Variants in UBXN11 observed in about 807,000 individuals in gnomAD.
UBXN11 encodes the protein UBX domain protein 11, also known as UBX domain-containing protein 11.
UBXN11 carries 47 observed loss-of-function variants against 62.8 expected under a neutral mutation model. The ratio of observed to expected loss-of-function variants is 0.75; its 90% CI spans 0.59 to 0.95. The LOEUF is 0.95. UBXN11 is among the 40% of genes least tolerant of loss of function. UBXN11 has a pLI of 0.00. For missense variants in UBXN11, 638 were observed against 661.7 expected, an observed-to-expected ratio of 0.96 and a Z score of 0.39; for synonymous variants, 294 against 267.0, an observed-to-expected ratio of 1.10 and a Z score of -0.99.
intron 8 of UBXN11, among the ~76,000 whole-genome samples, chr1:26,291,120 G>A (rs542833901): frequency 1.3e-5 from 2 of 152,228 alleles, no homozygotes; most frequent in South Asian, 2.1e-4. Context: ...CGGCACAGAC[G>A]GCCCTGGCTC....
At chr1:26,302,963 TC>T in intron 1 of UBXN11, 45 bp from the exon 2 acceptor site, 1 of 1,431,602 alleles carries the variant, frequency 7.0e-7, no homozygotes, top group Non-Finnish European at 9.7e-7. Context: ...GACTCAGGGC[TC>T]CAAGCCCAGG....
chr1:26,318,073 T>A (rs1287247080), exon 1 of UBXN11: 1 of 1,613,672 alleles, frequency 6.2e-7, no homozygotes, highest in East Asian at 2.2e-5. Flanking sequence ...ATGGTACAGG[T>A]AAGAGCAACG....
chr1:26,293,687 T>G (rs939260643), intron 8 of UBXN11, among the ~76,000 whole-genome samples: 2 of 125,022 alleles, frequency 1.6e-5, no homozygotes, highest in African/African-American at 6.2e-5. Flanking sequence ...ATCGTGCCAC[T>G]GCACTCCAGC....
exon 1 of UBXN11, chr1:26,318,229 C>T (rs1222522193): frequency 4.6e-6 from 3 of 647,170 alleles, no homozygotes; most frequent in South Asian, 3.6e-5. Context: ...CGGGCCTGGC[C>T]GCCCAGCCTT....
At chr1:26,284,083 G>T in intron 12 of UBXN11, 59 bp downstream of exon 12, 3 of 1,505,228 alleles carry the variant, frequency 2.0e-6, no homozygotes, top group South Asian at 2.6e-5. Flanking sequence ...TGGCAGGCTG[G>T]ACCAGGGCTG....
At chr1:26,309,147 G>A (rs1018702513), upstream of UBXN11, among the ~76,000 whole-genome samples, 1 of 151,716 alleles carries the variant, frequency 6.6e-6, no homozygotes, top group African/African-American at 2.4e-5. Context: ...GTTGGCCAGT[G>A]TGGTCTCCGT....
intron 8 of UBXN11, among the ~76,000 whole-genome samples, chr1:26,291,367 G>GC (rs1362661886): frequency 2.6e-5 from 4 of 152,200 alleles, no homozygotes; most frequent in Non-Finnish European, 5.9e-5. Flanking sequence ...CCGAATCAAG[G>GC]CCCCCCGCCC....
intron 8 of UBXN11, 81 bp downstream of exon 8, chr1:26,294,124 G>T: frequency 1.3e-6 from 2 of 1,568,732 alleles, no homozygotes; most frequent in Non-Finnish European, 8.6e-7. Context: ...AATGAGATAG[G>T]CCTCTGGGGA....
chr1:26,306,833 G>GGGGGGGGGGGGGTT, upstream of UBXN11: 1 of 32,154 alleles, frequency 3.1e-5, no homozygotes, highest in South Asian at 7.2e-4. Context: ...GCGGGGTGGG[G>GGGGGGGGGGGGGTT]GGGGGGGGTG....
chr1:26,284,089 G>A (rs959976018), intron 12 of UBXN11, 53 bp downstream of exon 12: 8 of 1,522,638 alleles, frequency 5.3e-6, no homozygotes, highest in Non-Finnish European at 7.1e-6. Context: ...GCTGGACCAG[G>A]GCTGGTGCTA....
chr1:26,310,340 C>T (rs2073728575), upstream of UBXN11, among the ~76,000 whole-genome samples: 1 of 152,010 alleles, frequency 6.6e-6, no homozygotes, highest in South Asian at 2.1e-4. Flanking sequence ...GAGTTTGAGA[C>T]CAGCCTGGCC....
intron 2 of UBXN11, 88 bp from the exon 3 acceptor site, chr1:26,301,810 G>C: frequency 6.4e-7 from 1 of 1,554,356 alleles, no homozygotes; most frequent in Non-Finnish European, 8.8e-7. Context: ...CCGGACTTCA[G>C]CCAAAGCTCA....
At chr1:26,303,239 G>A (rs2073581784) in intron 1 of UBXN11, 1 of 183,646 alleles carries the variant, frequency 5.4e-6, no homozygotes, top group South Asian at 1.8e-4. Context: ...GCCTGAAAAT[G>A]CTACTACCCA....
upstream of UBXN11, among the ~76,000 whole-genome samples, chr1:26,308,745 G>A (rs904620253): frequency 6.6e-6 from 1 of 152,130 alleles, no homozygotes; most frequent in Non-Finnish European, 1.5e-5. Flanking sequence ...CCCTGCTGTG[G>A]TCTGCCCTCT....
At chr1:26,305,357 C>T (rs79924240) in intron 1 of UBXN11, among the ~76,000 whole-genome samples, 2,113 of 152,282 alleles carry the variant, frequency 0.014, 52 homozygotes, top group African/African-American at 0.048. Flanking sequence ...AGATATAATT[C>T]ACATATTTCA....
upstream of UBXN11, among the ~76,000 whole-genome samples, chr1:26,309,343 C>G (rs2073716601): frequency 6.7e-6 from 1 of 148,176 alleles, no homozygotes; most frequent in Admixed American, 6.9e-5. Context: ...CTGGTTCGAG[C>G]AATTCTCCTG....
intron 1 of UBXN11, among the ~76,000 whole-genome samples, chr1:26,314,010 G>A (rs2073767808): frequency 6.6e-6 from 1 of 151,960 alleles, no homozygotes; most frequent in African/African-American, 2.4e-5. Context: ...TCGATCTCCT[G>A]ACCTTGTGAT....
chr1:26,308,072 G>C (rs1412622747), upstream of UBXN11, among the ~76,000 whole-genome samples: 1 of 152,046 alleles, frequency 6.6e-6, no homozygotes, highest in Non-Finnish European at 1.5e-5. Flanking sequence ...TTCGAGACCA[G>C]CCTGACCAAC....
intron 8 of UBXN11, among the ~76,000 whole-genome samples, 169 bp from the exon 9 acceptor site, chr1:26,286,206 G>A (rs963319919): frequency 1.3e-5 from 2 of 152,248 alleles, no homozygotes; most frequent in Non-Finnish European, 2.9e-5. Flanking sequence ...CTTTTATTGA[G>A]CACTTATTTT....
Sources: gnomAD v4.1 joint callset for allele counts (sites outside exome capture counted in the v4.1 genomes callset) on GRCh38, gnomAD v4.1.1 for gene constraint, MANE v1.5 for transcripts, NCBI Gene and HGNC (gene_info 2026-07-23, HGNC 2026-07-21) for gene names.